UNC80: variants seen among roughly 807,000 people sequenced by gnomAD.
The protein encoded by UNC80 is protein unc-80 homolog.
A neutral mutation model predicts 384.6 loss-of-function variants in UNC80; 164 were observed. The observed-to-expected ratio is 0.43, with a 90% CI of 0.38 to 0.49. UNC80 has a LOEUF of 0.49. Ranked by LOEUF, UNC80 falls within the 20% of genes least tolerant of loss-of-function variation. The probability of loss-of-function intolerance (pLI) is 0.00; values close to 1 mark genes in which losing one functional copy is unlikely to be tolerated. For synonymous variants in UNC80, 1,486 were observed against 1,527.8 expected (o/e 0.97, Z 0.64); for missense variants, 3,330 against 4,143.0 (o/e 0.80, Z 5.39).
At chr2:209,899,186 T>C (rs2087114899) in intron 28 of UNC80, among the ~76,000 whole-genome samples, 1 of 152,198 alleles carries the variant, frequency 6.6e-6, no homozygotes, top group Non-Finnish European at 1.5e-5. Context: ...TGTAATTATA[T>C]TGACTAAACA....
At chr2:209,875,534 G>C (rs778972613) in intron 23 of UNC80, among the ~76,000 whole-genome samples, 1 of 152,154 alleles carries the variant, frequency 6.6e-6, no homozygotes, top group Non-Finnish European at 1.5e-5. Flanking sequence ...AAGTGATCAG[G>C]TTACTTCTCC....
At chr2:209,923,485 T>A (rs1261301430) in intron 35 of UNC80, among the ~76,000 whole-genome samples, 2 of 152,144 alleles carry the variant, frequency 1.3e-5, no homozygotes, top group Non-Finnish European at 2.9e-5. Context: ...CTCCATTGAA[T>A]TTTCTTGGCA....
Position 209,878,169 on chromosome 2 carries a change from C to T in UNC80, c.3976+80C>T, listed in dbSNP as rs1182719060. 1.5e-5 allele frequency: 20 copies of T among 1,343,226 alleles called. No individual in the cohort carries two copies. The East Asian group carries it at 5.4e-4, about 36-fold the overall frequency. 83.2% of individuals were successfully genotyped at this position (1,343,226 alleles called of 1,614,324 possible). A position where few individuals can be genotyped will look rare whatever the true frequency, so the allele number is the denominator to read the frequency against. The stretch of plus-strand genomic sequence containing the variant: ...GGAGCACTTAATACTTCTCTTTTCT[C>T]CTTCATATTCTTACCACCTCCCCAT... On this transcript the variant is annotated intron_variant, in intron 24 of 64. Coordinates refer to ENST00000673920, the MANE Select transcript of UNC80 (RefSeq NM_001371986.1).
At chr2:209,863,801 G>A (rs1384148604) in intron 22 of UNC80, among the ~76,000 whole-genome samples, 2 of 151,598 alleles carry the variant, frequency 1.3e-5, no homozygotes, top group Non-Finnish European at 2.9e-5. Flanking sequence ...AGCTCAGTGT[G>A]GTTTTCTATT....
chr2:209,925,615 C>T (rs1319731149), intron 35 of UNC80, among the ~76,000 whole-genome samples: 3 of 152,170 alleles, frequency 2.0e-5, no homozygotes, highest in African/African-American at 7.2e-5. Context: ...CTGATTGGTC[C>T]ATTTTACAGA....
intron 7 of UNC80, among the ~76,000 whole-genome samples, chr2:209,804,235 CAAAG>C (rs1186124001): frequency 2.0e-5 from 3 of 152,114 alleles, no homozygotes; most frequent in Non-Finnish European, 4.4e-5. Context: ...CATGTATAAT[CAAAG>C]AGAGAAAATG....
chr2:209,940,286 A>G (rs2091539837), intron 43 of UNC80, among the ~76,000 whole-genome samples: 1 of 152,176 alleles, frequency 6.6e-6, no homozygotes, highest in African/African-American at 2.4e-5. Flanking sequence ...CAGAAGGGTG[A>G]TGAAAATGGT....
chr2:209,977,242 A>G lies in UNC80; in HGVS notation c.8938+164A>G, dbSNP rs75931221. Among the ~76,000 whole-genome samples the G allele has an allele frequency of 7.9e-5, 12 of 152,362 alleles. No homozygotes were observed. The East Asian group carries it at 2.3e-3, about 29-fold the overall frequency. ...TTTCTAATAAGTTAGCCATTTGACC[A>G]CCACTAGATTTGACTTCCTCTTTTG... On this transcript the variant is annotated intron_variant, in intron 58 of 64. Coordinates refer to ENST00000673920, the MANE Select transcript of UNC80 (RefSeq NM_001371986.1).
chr2:209,985,843 A>G (rs1004975111), intron 61 of UNC80, among the ~76,000 whole-genome samples: 1 of 152,206 alleles, frequency 6.6e-6, no homozygotes, highest in African/African-American at 2.4e-5. Context: ...GGAAATGTTG[A>G]GAGGCTGTTC....
chr2:209,981,990 A>G (rs2723221), intron 59 of UNC80, among the ~76,000 whole-genome samples, 189 bp from the exon 60 acceptor site: 148,810 of 152,304 alleles, frequency 0.98, 72,783 homozygotes, highest in Middle Eastern at 1. Flanking sequence ...ATGTATAGAC[A>G]CGAAGAATTA....
chr2:209,860,249 G>A (rs1043618800), intron 22 of UNC80, among the ~76,000 whole-genome samples: 1 of 152,116 alleles, frequency 6.6e-6, no homozygotes, highest in African/African-American at 2.4e-5. Flanking sequence ...TCTGCATATG[G>A]CTAGCCAGTA....
chr2:209,920,076 G>A (rs1035352412), intron 33 of UNC80, among the ~76,000 whole-genome samples: 6 of 152,150 alleles, frequency 3.9e-5, no homozygotes, highest in Non-Finnish European at 7.4e-5. Flanking sequence ...GGCTGAGACA[G>A]GAGAATCACT....
chr2:209,819,819 G>A (rs1464764731), intron 12 of UNC80, among the ~76,000 whole-genome samples: 1 of 151,890 alleles, frequency 6.6e-6, no homozygotes, highest in African/African-American at 2.4e-5. Flanking sequence ...ACCAATAAAG[G>A]AACATAATTT....
chr2:209,777,606 G>A (rs1249022561), intron 4 of UNC80, 47 bp downstream of exon 4: 1 of 1,543,672 alleles, frequency 6.5e-7, no homozygotes, highest in Non-Finnish European at 8.8e-7. Flanking sequence ...GAGATGTGGT[G>A]AGGGTAGACT....
At chr2:209,915,121 C>G (rs777706634) in intron 31 of UNC80, among the ~76,000 whole-genome samples, 1 of 152,024 alleles carries the variant, frequency 6.6e-6, no homozygotes, top group Non-Finnish European at 1.5e-5. Flanking sequence ...TTAAAGAACA[C>G]CTAGAAGTTA....
chr2:209,845,331 T>C (rs1341632139), intron 21 of UNC80: 1 of 152,194 alleles, frequency 6.6e-6, no homozygotes, highest in Non-Finnish European at 1.5e-5. Flanking sequence ...TTTGTAGATT[T>C]TTCTCCTTGG....
At chr2:209,795,898 G>T (rs2078122507) in intron 7 of UNC80, 1 of 152,274 alleles carries the variant, frequency 6.6e-6, no homozygotes, top group African/African-American at 2.4e-5. Context: ...AGTGCAGAAG[G>T]GAAATGTGGG....
chr2:209,834,776 C>T (rs2153828859), intron 17 of UNC80, 136 bp from the exon 18 acceptor site: 2 of 639,294 alleles, frequency 3.1e-6, no homozygotes, highest in Non-Finnish European at 5.4e-6. Flanking sequence ...TTCTAAACAA[C>T]ATAGACTCCT....
intron 26 of UNC80, among the ~76,000 whole-genome samples, chr2:209,889,385 TA>T (rs762628966): frequency 3.9e-5 from 6 of 152,282 alleles, no homozygotes; most frequent in Admixed American, 6.5e-5. Flanking sequence ...TTTCCATCTG[TA>T]CATATCATTT....
Sources: allele counts gnomAD v4.1 joint callset (sites outside exome capture counted in the v4.1 genomes callset), GRCh38; gene constraint gnomAD v4.1.1; transcripts MANE v1.5; gene names NCBI Gene and HGNC (gene_info 2026-07-23, HGNC 2026-07-21).